The following PRH1 variants were observed in gnomAD, a reference collection of about 807,000 sequenced individuals.
PRH1 encodes salivary acidic proline-rich phosphoprotein 1/2.
PRH1 carries 7 observed loss-of-function variants against 7.9 expected under a neutral mutation model. The observed-to-expected ratio is 0.89, with a 90% CI of 0.50 to 1.67. The LOEUF is 1.67. Among genes scored for constraint, PRH1 ranks in the 40% most tolerant of loss-of-function variants. The pLI, the probability that PRH1 is intolerant of heterozygous loss-of-function variation, is 0.00. For missense variants in PRH1, 109 were observed against 223.6 expected (o/e 0.49, Z 3.27); for synonymous variants, 45 against 80.8 (o/e 0.56, Z 2.38).
intron 1 of PRH1, among the ~76,000 whole-genome samples, chr12:11,162,522 G>A (rs1304407740): frequency 6.6e-6 from 1 of 152,190 alleles, no homozygotes; most frequent in African/African-American, 2.4e-5. Context: ...TGTAACATAA[G>A]ACTTTAATGC....
intron 1 of PRH1, among the ~76,000 whole-genome samples, chr12:11,142,924 A>G (rs1946745994): frequency 2.6e-5 from 4 of 152,200 alleles, no homozygotes; most frequent in Admixed American, 2.6e-4. Context: ...TAAACACCAG[A>G]TCTGTCCTAT....
chr12:11,087,974 A>T lies in PRH1; in HGVS notation n.124-40786T>A, dbSNP rs1353298431. On this transcript the variant is annotated intron_variant and non_coding_transcript_variant, in intron 1 of 4. Transcript: ENST00000541977. Reference sequence around the variant, plus strand: ...ATAATAATAACACTGTCACTGTTTTATATCATGGCTATGTCACTTCTGTTC... The same window carrying T: ...ATAATAATAACACTGTCACTGTTTTTTATCATGGCTATGTCACTTCTGTTC... Among the ~76,000 whole-genome samples, 2 of 118,350 alleles carry T rather than the reference A, an allele frequency of 1.7e-5. 1 individual carries two copies. Among genetic ancestry groups the T allele is most frequent in the Admixed American group, 1.7e-4 (2 of 11,964 alleles). The allele number at this position is 118,350 out of a possible 152,430, so 77.6% of individuals were successfully genotyped here.
At chr12:10,972,614 C>T (rs1938871081) in intron 2 of PRH1, among the ~76,000 whole-genome samples, 1 of 151,844 alleles carries the variant, frequency 6.6e-6, no homozygotes, top group African/African-American at 2.4e-5. Flanking sequence ...CAATTTTTTC[C>T]CTCTTTAACT....
rs1179901891 is a variant in PRH1 at position 11,046,530 on chromosome 12, T to C, written c.-126+490A>G. Among the ~76,000 whole-genome samples, 11 of 152,134 alleles carry C rather than the reference T, an allele frequency of 7.2e-5. No individual in the cohort carries two copies. The East Asian group carries it at 2.1e-3, about 29-fold the overall frequency. ...AGTCTACAGTTTTCTTCTGACGTTT[T>C]AGTCCTCTGCCTGGTGCACACTAGG... is the stretch of plus-strand genomic sequence containing the variant. On this transcript the variant is annotated intron_variant, in intron 1 of 3. Coordinates refer to the PRH1 transcript ENST00000539853.
At chr12:10,952,234 T>C (rs1219622084) in intron 2 of PRH1, among the ~76,000 whole-genome samples, 1 of 152,210 alleles carries the variant, frequency 6.6e-6, no homozygotes, top group Admixed American at 6.5e-5. Context: ...GAAAGCAAGA[T>C]GTCCTTCTGC....
chr12:10,890,910 C>G (rs1949564083), intron 2 of PRH1, among the ~76,000 whole-genome samples: 1 of 151,762 alleles, frequency 6.6e-6, no homozygotes, highest in Non-Finnish European at 1.5e-5. Flanking sequence ...TTTGTATTTC[C>G]TCACATGCTA....
chr12:11,045,151 C>T (rs986696816), intron 1 of PRH1, among the ~76,000 whole-genome samples: 5 of 151,912 alleles, frequency 3.3e-5, no homozygotes, highest in Admixed American at 3.3e-4. Context: ...CTGTCATTTG[C>T]AGCAATATAT....
At chr12:11,007,030 T>A (rs1472283652) in intron 1 of PRH1, among the ~76,000 whole-genome samples, 1 of 152,154 alleles carries the variant, frequency 6.6e-6, no homozygotes, top group Admixed American at 6.6e-5. Flanking sequence ...GTATTCAGCA[T>A]TTTCAGTTGT....
At chr12:11,030,731 A>G (rs747164311) in intron 1 of PRH1, 3 of 1,614,236 alleles carry the variant, frequency 1.9e-6, no homozygotes, top group Non-Finnish European at 2.5e-6. Flanking sequence ...ATGTTTACAC[A>G]GAGAACAGAT....
intron 1 of PRH1, chr12:11,061,923 T>C: frequency 1.9e-6 from 3 of 1,613,886 alleles, no homozygotes; most frequent in Non-Finnish European, 1.7e-6. Flanking sequence ...CACTCTTAAC[T>C]CTCCTCTTTA....
At chr12:11,045,257 A>G (rs1321904204) in intron 1 of PRH1, among the ~76,000 whole-genome samples, 1 of 152,008 alleles carries the variant, frequency 6.6e-6, no homozygotes, top group East Asian at 1.9e-4. Context: ...CATGGATGCT[A>G]AACAAAGGCT....
At chr12:11,018,793 C>G (rs949603405) in intron 1 of PRH1, among the ~76,000 whole-genome samples, 9 of 152,244 alleles carry the variant, frequency 5.9e-5, no homozygotes, top group African/African-American at 2.2e-4. Context: ...AAGGGGAACC[C>G]CTGGAGGTGA....
In PRH1 at chr12:11,081,987, C is replaced by T. The variant is rs1290097472; in HGVS notation, n.124-34799G>A. Among the ~76,000 whole-genome samples the T allele has an allele frequency of 5.5e-3, 488 of 88,258 alleles. 2 individuals carry two copies. The highest frequency in any genetic ancestry group is 7.7e-3 in the Admixed American group (65 of 8,476). The allele number at this position is 88,258 out of a possible 152,430, so 57.9% of individuals were successfully genotyped here. On this transcript the variant is annotated intron_variant and non_coding_transcript_variant, in intron 1 of 4. Coordinates refer to the PRH1 transcript ENST00000541977. The stretch of plus-strand genomic sequence containing the variant: ...AGTTTAATATAATTTATAATTGTTT[C>T]CTTAAGCATTGTATTTTAAACTACA...
At chr12:11,121,587 T>A (rs148899552) in intron 1 of PRH1, among the ~76,000 whole-genome samples, 3 of 152,320 alleles carry the variant, frequency 2.0e-5, no homozygotes, top group African/African-American at 7.2e-5. Flanking sequence ...AGCACTGAAA[T>A]GATCATGATT....
chr12:11,144,456 G>A (rs1592099500), intron 1 of PRH1, among the ~76,000 whole-genome samples: 1 of 152,278 alleles, frequency 6.6e-6, no homozygotes, highest in Admixed American at 6.5e-5. Flanking sequence ...CCAGCCGACA[G>A]CACCGATTCT....
intron 1 of PRH1, among the ~76,000 whole-genome samples, chr12:11,065,209 T>C (rs1198560292): frequency 6.6e-6 from 1 of 152,166 alleles, no homozygotes; most frequent in East Asian, 1.9e-4. Flanking sequence ...ATTTAGACAG[T>C]TATTCCCTTT....
chr12:10,948,635 C>T (rs1334766236), intron 2 of PRH1, among the ~76,000 whole-genome samples: 1 of 152,162 alleles, frequency 6.6e-6, no homozygotes, highest in African/African-American at 2.4e-5. Flanking sequence ...CTAGCCAGTT[C>T]AACCTTGTTA....
intron 1 of PRH1, among the ~76,000 whole-genome samples, chr12:11,026,446 A>G (rs1941921626): frequency 6.6e-6 from 1 of 151,518 alleles, no homozygotes; most frequent in Non-Finnish European, 1.5e-5. Context: ...TGAAATAGAT[A>G]TGTATGGCAG....
intron 2 of PRH1, among the ~76,000 whole-genome samples, chr12:10,898,361 A>C (rs1167976977): frequency 6.6e-6 from 1 of 152,230 alleles, no homozygotes; most frequent in African/African-American, 2.4e-5. Context: ...TCACAAAGAA[A>C]ACTCCATGAC....
Sources: allele counts gnomAD v4.1 joint callset (sites outside exome capture counted in the v4.1 genomes callset), GRCh38; gene constraint gnomAD v4.1.1; transcripts MANE v1.5; gene names NCBI Gene and HGNC (gene_info 2026-07-23, HGNC 2026-07-21).